The following UBE3A variants were observed in gnomAD, a reference collection of about 807,000 sequenced individuals.
UBE3A encodes the protein ubiquitin protein ligase E3A.
A neutral mutation model predicts 83.4 loss-of-function variants in UBE3A; 6 were observed. The ratio of observed to expected loss-of-function variants is 0.07; its 90% CI spans 0.04 to 0.14. The LOEUF is 0.14. Ranked by LOEUF, UBE3A falls within the 10% of genes least tolerant of loss-of-function variation. The pLI is 1.00. For synonymous variants in UBE3A, 337 were observed against 355.4 expected, an observed-to-expected ratio of 0.95 and a Z score of 0.58; for missense variants, 456 against 1,036.1, an observed-to-expected ratio of 0.44 and a Z score of 7.69.
chr15:25,408,375 A>G (rs916026727), intron 3 of UBE3A: 45 of 583,262 alleles, frequency 7.7e-5, no homozygotes, highest in African/African-American at 1.3e-4. Context: ...CCTAATTCAA[A>G]ACATATAACC....
At chr15:25,350,711 A>C (rs28496222) in intron 11 of UBE3A, among the ~76,000 whole-genome samples, 3,628 of 152,234 alleles carry the variant, frequency 0.024, 143 homozygotes, top group African/African-American at 0.081. Context: ...TAAAAAAAAA[A>C]CACTTTGCGT....
intron 1 of UBE3A, among the ~76,000 whole-genome samples, chr15:25,412,657 T>C (rs2090202898): frequency 6.6e-6 from 1 of 151,864 alleles, no homozygotes; most frequent in Non-Finnish European, 1.5e-5. Context: ...AGAACATTCC[T>C]CAATGGAACA....
chr15:25,408,529 G>T, intron 3 of UBE3A: 1 of 1,458,270 alleles, frequency 6.9e-7, no homozygotes, highest in Non-Finnish European at 9.6e-7. Flanking sequence ...TCAATTTTAG[G>T]TCTTGATTTG....
intron 4 of UBE3A, among the ~76,000 whole-genome samples, chr15:25,382,794 T>C (rs1156589211): frequency 1.3e-5 from 2 of 151,648 alleles, no homozygotes; most frequent in South Asian, 2.1e-4. Flanking sequence ...CAGAAATAAA[T>C]AGGACCTTAA....
At chr15:25,368,662 A>C (rs1172771838) in intron 6 of UBE3A, among the ~76,000 whole-genome samples, 1 of 152,170 alleles carries the variant, frequency 6.6e-6, no homozygotes, top group African/African-American at 2.4e-5. Flanking sequence ...GAACTTGCTA[A>C]AAACAAGTTA....
At chr15:25,359,885 G>A (rs2077785168) in intron 7 of UBE3A, among the ~76,000 whole-genome samples, 2 of 152,106 alleles carry the variant, frequency 1.3e-5, no homozygotes, top group African/African-American at 4.8e-5. Context: ...AAAAGTTTGG[G>A]GGAAACACTA....
chr15:25,398,816 A>AAATAT (rs2086374698), intron 4 of UBE3A, among the ~76,000 whole-genome samples: 1 of 40,828 alleles, frequency 2.4e-5, no homozygotes, highest in African/African-American at 6.4e-5. Flanking sequence ...TATATATATA[A>AAATAT]AAATACATAT....
rs115780995 is a variant in UBE3A at position 25,402,092 on chromosome 15, C to T, written c.62+3369G>A. Reference sequence around the variant, plus strand: ...TATTGTGTTCCTTTGACTGGTGTCACGTTTCCCTGACTGTTCTTGATCCCT... The same window carrying T: ...TATTGTGTTCCTTTGACTGGTGTCATGTTTCCCTGACTGTTCTTGATCCCT... On this transcript the variant is annotated intron_variant, in intron 4 of 12. Transcript: ENST00000648336. Among the ~76,000 whole-genome samples the T allele has an allele frequency of 1.0e-2, 1,517 of 152,248 alleles. 30 individuals carry two copies. The highest frequency in any genetic ancestry group is 0.035 in the African/African-American group (1,454 of 41,536).
chr15:25,403,287 G>A (rs78680551), intron 4 of UBE3A, among the ~76,000 whole-genome samples: 10,024 of 152,192 alleles, frequency 0.066, 442 homozygotes, highest in Middle Eastern at 0.13. Flanking sequence ...CCCCTCAGTA[G>A]CTTCCTAAGT....
At chr15:25,434,299 C>A (rs1894348936) in intron 1 of UBE3A, among the ~76,000 whole-genome samples, 2 of 151,992 alleles carry the variant, frequency 1.3e-5, no homozygotes, top group Non-Finnish European at 1.5e-5. Flanking sequence ...AAGGACTTGG[C>A]CAGGTATTGT....
intron 11 of UBE3A, among the ~76,000 whole-genome samples, chr15:25,343,956 C>T (rs986140923): frequency 6.6e-6 from 1 of 152,150 alleles, no homozygotes; most frequent in African/African-American, 2.4e-5. Context: ...CATTTAACAA[C>T]ACATTCTGTT....
chr15:25,393,390 T>C (rs2084853348), intron 4 of UBE3A, among the ~76,000 whole-genome samples: 1 of 152,186 alleles, frequency 6.6e-6, no homozygotes, highest in Non-Finnish European at 1.5e-5. Context: ...TACTCAATTA[T>C]GTTAAGAGGC....
chr15:25,396,003 G>C (rs936435991), intron 4 of UBE3A, among the ~76,000 whole-genome samples: 2 of 152,108 alleles, frequency 1.3e-5, no homozygotes, highest in Non-Finnish European at 2.9e-5. Flanking sequence ...AGGAGTTCAA[G>C]ACCAGCCTGG....
At chr15:25,410,021 A>G (rs1401086265) in intron 2 of UBE3A, among the ~76,000 whole-genome samples, 1 of 152,104 alleles carries the variant, frequency 6.6e-6, no homozygotes, top group Non-Finnish European at 1.5e-5. Flanking sequence ...GAGGGATAGC[A>G]TTAGGAAATA....
intron 1 of UBE3A, among the ~76,000 whole-genome samples, chr15:25,413,368 G>T (rs1450197305): frequency 3.3e-5 from 5 of 151,746 alleles, no homozygotes; most frequent in Non-Finnish European, 7.4e-5. Context: ...TTCACAAACT[G>T]TTTTTTTCTA....
At chr15:25,428,121 T>C (rs528606336) in intron 1 of UBE3A, among the ~76,000 whole-genome samples, 1 of 152,238 alleles carries the variant, frequency 6.6e-6, no homozygotes, top group Admixed American at 6.5e-5. Context: ...ATAACTGTAT[T>C]TATTATTGCT....
intron 4 of UBE3A, among the ~76,000 whole-genome samples, chr15:25,395,717 T>C (rs779448537): frequency 6.6e-6 from 1 of 152,186 alleles, no homozygotes; most frequent in East Asian, 1.9e-4. Flanking sequence ...GAGCTGACGA[T>C]GGAAATAGAA....
intron 1 of UBE3A, among the ~76,000 whole-genome samples, chr15:25,413,659 ATTTC>A (rs761838347): frequency 1.3e-4 from 20 of 152,208 alleles, no homozygotes; most frequent in African/African-American, 3.1e-4. Flanking sequence ...TCAGAGTACC[ATTTC>A]TTTATCTTCT....
At chr15:25,430,403 A>C (rs1287303785) in intron 1 of UBE3A, among the ~76,000 whole-genome samples, 1 of 146,630 alleles carries the variant, frequency 6.8e-6, no homozygotes, top group Non-Finnish European at 1.5e-5. Context: ...TATCTGAAAC[A>C]GCACTTTGGG....
Sources: gnomAD v4.1 joint callset for allele counts (sites outside exome capture counted in the v4.1 genomes callset) on GRCh38, gnomAD v4.1.1 for gene constraint, MANE v1.5 for transcripts, NCBI Gene and HGNC (gene_info 2026-07-23, HGNC 2026-07-21) for gene names.